GSE1: variants seen among roughly 807,000 people sequenced by gnomAD.
The protein encoded by GSE1 is Gse1 coiled-coil protein.
GSE1 carries 32 observed loss-of-function variants against 112.6 expected under a neutral mutation model. That is an observed-to-expected ratio of 0.28 (90% confidence interval 0.21 to 0.38). The LOEUF is 0.38. Ranked by LOEUF, GSE1 falls within the 10% of genes least tolerant of loss-of-function variation. GSE1 has a pLI of 1.00. For missense variants in GSE1, 2,348 were observed against 1,699.2 expected (o/e 1.38, Z -6.71); for synonymous variants, 1,115 against 735.6 (o/e 1.52, Z -8.35).
At chr16:85,622,449 C>A (rs2048800903) in intron 1 of GSE1, among the ~76,000 whole-genome samples, 1 of 152,092 alleles carries the variant, frequency 6.6e-6, no homozygotes, top group Non-Finnish European at 1.5e-5. Context: ...TCGTGGGTTG[C>A]CACTTAGGGA....
In GSE1 at chr16:85,656,436, TGAGCGCGAACGCGAGAAG is replaced by T. The variant is rs758492937; in HGVS notation, c.1092_1109del (p.Arg365_Glu370del). 6.0e-5 allele frequency: 94 copies of T among 1,564,482 alleles called. 1 individual carries two copies. The South Asian group carries it at 7.9e-4, about 13-fold the overall frequency. On this transcript the variant is annotated inframe_deletion, in exon 7 of 16. Transcript: ENST00000253458. ...CTGACCGCGAGCGGGAGAAGGAACG[TGAGCGCGAACGCGAGAAG>T]GAGCGCGAGCAAGAGAAGGAGCGTG...
chr16:85,351,290 G>T (rs1415786349), intron 1 of GSE1, among the ~76,000 whole-genome samples: 1 of 152,240 alleles, frequency 6.6e-6, no homozygotes, highest in Non-Finnish European at 1.5e-5. Context: ...CCCCTGGGCT[G>T]CTGTGGGTCC....
At chr16:85,671,225 G>A (rs952990847) in intron 15 of GSE1, 127 bp downstream of exon 15, 72 of 549,772 alleles carry the variant, frequency 1.3e-4, no homozygotes, top group Non-Finnish European at 2.3e-4. Context: ...CGGATCACGA[G>A]GTCAGGAGAT....
intron 1 of GSE1, among the ~76,000 whole-genome samples, chr16:85,570,929 C>G (rs2045955778): frequency 6.6e-6 from 1 of 152,160 alleles, no homozygotes; most frequent in Admixed American, 6.5e-5. Context: ...TGGAAAGTTT[C>G]CTTTTGGCTG....
exon 1 of GSE1, chr16:85,170,192 A>T (rs926092847): frequency 4.1e-6 from 4 of 985,070 alleles, no homozygotes; most frequent in Middle Eastern, 5.2e-4. Context: ...GCTCCGGGAC[A>T]GGGCGCAGAG....
chr16:85,308,290 C>T (rs1422781345), intron 1 of GSE1, among the ~76,000 whole-genome samples: 3 of 151,976 alleles, frequency 2.0e-5, no homozygotes, highest in African/African-American at 7.3e-5. Context: ...TCCCACCATT[C>T]TGTGGACACC....
intron 1 of GSE1, among the ~76,000 whole-genome samples, chr16:85,341,848 TAGGGAA>T (rs2046630310): frequency 6.6e-6 from 1 of 152,090 alleles, no homozygotes; most frequent in Non-Finnish European, 1.5e-5. Context: ...CATCAGGCTT[TAGGGAA>T]TAAGGCCTCG....
intron 2 of GSE1, among the ~76,000 whole-genome samples, chr16:85,504,757 C>G (rs1567543481): frequency 6.6e-6 from 1 of 152,148 alleles, no homozygotes; most frequent in Non-Finnish European, 1.5e-5. Context: ...CTCAAATTGG[C>G]TTAACCCATC....
intron 11 of GSE1, chr16:85,664,438 G>C (rs925819106): frequency 6.6e-6 from 1 of 152,326 alleles, no homozygotes; most frequent in Non-Finnish European, 1.5e-5. Context: ...GTGACGTGTT[G>C]ATTGCCAGCC....
chr16:85,331,412 T>C (rs1404973087), intron 1 of GSE1, among the ~76,000 whole-genome samples: 1 of 137,518 alleles, frequency 7.3e-6, no homozygotes, highest in Non-Finnish European at 1.6e-5. Flanking sequence ...TGTATATATA[T>C]GCGTATATAT....
intron 2 of GSE1, among the ~76,000 whole-genome samples, chr16:85,447,886 T>A (rs542682521): frequency 2.6e-5 from 4 of 152,340 alleles, no homozygotes; most frequent in Non-Finnish European, 5.9e-5. Context: ...CTCAAGTGAC[T>A]TGCCCAGGGT....
chr16:85,592,303 C>A (rs965119920), intron 1 of GSE1: 1 of 152,100 alleles, frequency 6.6e-6, no homozygotes. Flanking sequence ...GCTGGGACCA[C>A]CATGCCCAGC....
chr16:85,468,601 T>G (rs1196398492), intron 2 of GSE1, among the ~76,000 whole-genome samples: 1 of 151,828 alleles, frequency 6.6e-6, no homozygotes, highest in Non-Finnish European at 1.5e-5. Flanking sequence ...GGATTACAGG[T>G]GTGAGACACC....
At chr16:85,186,061 A>G (rs551032446) in intron 1 of GSE1, among the ~76,000 whole-genome samples, 1 of 152,326 alleles carries the variant, frequency 6.6e-6, no homozygotes, top group South Asian at 2.1e-4. Flanking sequence ...ACATCTGACC[A>G]TAGTCACCAC....
intron 2 of GSE1, among the ~76,000 whole-genome samples, chr16:85,538,063 C>G (rs912084156): frequency 6.6e-6 from 1 of 152,198 alleles, no homozygotes; most frequent in Non-Finnish European, 1.5e-5. Flanking sequence ...ACTGGCCACC[C>G]GGCTGGATTG....
At chr16:85,612,539 C>T (rs944973177), upstream of GSE1, among the ~76,000 whole-genome samples, 15 of 152,112 alleles carry the variant, frequency 9.9e-5, no homozygotes, top group Non-Finnish European at 1.6e-4. Context: ...GGTTCTCCAG[C>T]CCCTGGGCCG....
chr16:85,623,925 C>CCT (rs1433655133), intron 1 of GSE1, among the ~76,000 whole-genome samples: 3 of 152,106 alleles, frequency 2.0e-5, no homozygotes, highest in African/African-American at 7.2e-5. Context: ...GACTAAGGGC[C>CCT]CTGTAGATAG....
chr16:85,560,151 A>G (rs200556297), intron 1 of GSE1, among the ~76,000 whole-genome samples: 2 of 29,034 alleles, frequency 6.9e-5, no homozygotes, highest in Non-Finnish European at 1.3e-4. Context: ...TTTTTTTTTT[A>G]TGTGAGACGG....
chr16:85,663,271 A>G, intron 10 of GSE1, 73 bp from the exon 11 acceptor site: 2 of 1,533,068 alleles, frequency 1.3e-6, no homozygotes, highest in Non-Finnish European at 1.8e-6. Flanking sequence ...GGACCCCAGG[A>G]GGGGACCCCG....
Sources: gnomAD v4.1 joint callset for allele counts (sites outside exome capture counted in the v4.1 genomes callset) on GRCh38, gnomAD v4.1.1 for gene constraint, MANE v1.5 for transcripts, NCBI Gene and HGNC (gene_info 2026-07-23, HGNC 2026-07-21) for gene names.